Variants in RBFOX1 observed in about 807,000 individuals in gnomAD.
The protein encoded by RBFOX1 is RNA binding protein fox-1 homolog 1.
RBFOX1 carries 8 observed loss-of-function variants against 57.7 expected under a neutral mutation model. The ratio of observed to expected loss-of-function variants is 0.14; its 90% confidence interval spans 0.08 to 0.25. The LOEUF (loss-of-function observed/expected upper bound fraction) is 0.25, where lower values mean the gene tolerates loss of function less well. Among genes scored for constraint, RBFOX1 ranks in the 10% least tolerant of loss-of-function variants. The probability of loss-of-function intolerance (pLI) is 1.00; values close to 1 mark genes in which losing one functional copy is unlikely to be tolerated. For synonymous variants in RBFOX1, 326 were observed against 222.4 expected (o/e 1.47, Z -4.15); for missense variants, 611 against 548.5 (o/e 1.11, Z -1.14).
At chr16:5,467,885 C>T (rs985285975) in intron 2 of RBFOX1, among the ~76,000 whole-genome samples, 1 of 152,136 alleles carries the variant, frequency 6.6e-6, no homozygotes, top group African/African-American at 2.4e-5. Flanking sequence ...AATGTTTTTC[C>T]TCAAGATTAG....
At chr16:7,085,945 A>C (rs1258213651) in intron 4 of RBFOX1, among the ~76,000 whole-genome samples, 3 of 152,114 alleles carry the variant, frequency 2.0e-5, no homozygotes, top group Non-Finnish European at 2.9e-5. Flanking sequence ...TGGGCTCTAA[A>C]ATGTACTAAG....
chr16:6,827,050 C>G (rs1379785377), intron 3 of RBFOX1, among the ~76,000 whole-genome samples: 2 of 152,110 alleles, frequency 1.3e-5, no homozygotes, highest in Admixed American at 1.3e-4. Flanking sequence ...TGGGGGCAGG[C>G]TTTGGTGGAT....
At chr16:6,716,533 C>T (rs1242179863) in intron 3 of RBFOX1, among the ~76,000 whole-genome samples, 1 of 152,114 alleles carries the variant, frequency 6.6e-6, no homozygotes, top group Non-Finnish European at 1.5e-5. Context: ...TCTTGTTTAC[C>T]TGCATAGAAC....
At chr16:6,279,591 T>G (rs2076175361) in intron 1 of RBFOX1, among the ~76,000 whole-genome samples, 1 of 152,212 alleles carries the variant, frequency 6.6e-6, no homozygotes, top group Admixed American at 6.5e-5. Flanking sequence ...GATTATCTAT[T>G]GGCCTTGGAG....
At chr16:6,524,991 A>C (rs1048357288) in intron 2 of RBFOX1, among the ~76,000 whole-genome samples, 1 of 152,158 alleles carries the variant, frequency 6.6e-6, no homozygotes, top group African/African-American at 2.4e-5. Flanking sequence ...TATCTGGGTA[A>C]ACATAAATTT....
intron 3 of RBFOX1, among the ~76,000 whole-genome samples, chr16:6,943,758 G>A (rs959847039): frequency 2.6e-5 from 4 of 151,410 alleles, no homozygotes; most frequent in African/African-American, 9.7e-5. Flanking sequence ...CTGAGTCTTG[G>A]CCAATCCCAG....
chr16:7,184,187 G>T (rs940634038), intron 4 of RBFOX1, among the ~76,000 whole-genome samples: 3 of 152,170 alleles, frequency 2.0e-5, no homozygotes, highest in African/African-American at 7.2e-5. Context: ...AATTAGCTCC[G>T]TGAACAAGTG....
intron 3 of RBFOX1, among the ~76,000 whole-genome samples, chr16:5,782,022 C>T (rs1407213933): frequency 6.6e-6 from 1 of 152,216 alleles, no homozygotes; most frequent in African/African-American, 2.4e-5. Context: ...CCTGGGCCAA[C>T]ATGGTGAAAC....
intron 4 of RBFOX1, among the ~76,000 whole-genome samples, chr16:5,891,324 G>A (rs1001819085): frequency 2.0e-5 from 3 of 152,162 alleles, no homozygotes; most frequent in Admixed American, 6.5e-5. Flanking sequence ...CGCAGCACAC[G>A]TCCAGGTAGG....
At chr16:7,580,688 G>A (rs1321646547) in intron 6 of RBFOX1, among the ~76,000 whole-genome samples, 6 of 151,952 alleles carry the variant, frequency 3.9e-5, no homozygotes, top group Non-Finnish European at 7.4e-5. Flanking sequence ...TTTTTTTCTC[G>A]AAGATATCTT....
chr16:6,290,366 A>G (rs897192049), intron 1 of RBFOX1, among the ~76,000 whole-genome samples: 1 of 151,222 alleles, frequency 6.6e-6, no homozygotes, highest in Non-Finnish European at 1.5e-5. Flanking sequence ...AATTTGTAAA[A>G]TTGTGACCAT....
At chr16:6,781,773 C>G (rs1000631788) in intron 3 of RBFOX1, among the ~76,000 whole-genome samples, 7 of 152,008 alleles carry the variant, frequency 4.6e-5, no homozygotes, top group African/African-American at 1.7e-4. Context: ...TTAATATTTT[C>G]TTAGCTCTGA....
At chr16:6,684,080 A>C (rs746058974) in intron 3 of RBFOX1, among the ~76,000 whole-genome samples, 7 of 152,198 alleles carry the variant, frequency 4.6e-5, no homozygotes, top group Non-Finnish European at 8.8e-5. Context: ...ATTTGTGTGT[A>C]CACGGTATGT....
intron 4 of RBFOX1, among the ~76,000 whole-genome samples, chr16:7,110,977 C>G (rs1376427811): frequency 6.6e-6 from 1 of 152,106 alleles, no homozygotes; most frequent in Non-Finnish European, 1.5e-5. Flanking sequence ...TACAGTATTT[C>G]TGGAAAGAAG....
In RBFOX1 at chr16:7,367,423, A is replaced by G. The variant is rs554490828; in HGVS notation, c.28-150724A>G. Among the ~76,000 whole-genome samples, 23 of 152,324 alleles carry G rather than the reference A, an allele frequency of 1.5e-4. 1 individual carries two copies. The South Asian group carries it at 4.8e-3, about 32-fold the overall frequency. On this transcript the variant is annotated intron_variant, in intron 4 of 15. Coordinates refer to ENST00000550418, the MANE Select transcript of RBFOX1 (RefSeq NM_018723.4). ...TCTCTCTTCGATGGATTCCATGACA[A>G]GTCCTTAGGCACATGTTTGATTTGC... is the stretch of plus-strand genomic sequence containing the variant.
intron 1 of RBFOX1, among the ~76,000 whole-genome samples, chr16:6,061,929 C>G (rs989585823): frequency 6.6e-6 from 1 of 152,160 alleles, no homozygotes; most frequent in African/African-American, 2.4e-5. Context: ...ACTTTGGACT[C>G]CAGTTGGAAG....
intron 4 of RBFOX1, among the ~76,000 whole-genome samples, chr16:5,898,233 T>C (rs529259008): frequency 6.6e-6 from 1 of 152,268 alleles, no homozygotes; most frequent in East Asian, 1.9e-4. Context: ...TCCCCCATGA[T>C]TAAATTACCT....
chr16:5,511,971 A>T (rs2043607822), intron 2 of RBFOX1, among the ~76,000 whole-genome samples: 1 of 152,214 alleles, frequency 6.6e-6, no homozygotes, highest in South Asian at 2.1e-4. Flanking sequence ...TTGATGATAA[A>T]CCTTCCCTGA....
At chr16:7,450,291 G>A (rs2098841516) in intron 4 of RBFOX1, among the ~76,000 whole-genome samples, 2 of 151,152 alleles carry the variant, frequency 1.3e-5, no homozygotes, top group Non-Finnish European at 2.9e-5. Flanking sequence ...CTACTTGGGA[G>A]GCTGAGGCAG....
Sources: gnomAD v4.1 joint callset for allele counts (sites outside exome capture counted in the v4.1 genomes callset) on GRCh38, gnomAD v4.1.1 for gene constraint, MANE v1.5 for transcripts, NCBI Gene and HGNC (gene_info 2026-07-23, HGNC 2026-07-21) for gene names.